GALNT13: variants seen among roughly 807,000 people sequenced by gnomAD.
The protein encoded by GALNT13 is UDP-GalNAc:polypeptide N-acetylgalactosaminyltransferase 13.
GALNT13 carries 28 observed loss-of-function variants against 64.2 expected under a neutral mutation model. That is an observed-to-expected ratio of 0.44 (90% CI 0.32 to 0.60). GALNT13 has a LOEUF of 0.60. GALNT13 is among the 20% of genes least tolerant of loss of function. The pLI is 0.05. For synonymous variants in GALNT13, 214 were observed against 224.6 expected (o/e 0.95, Z 0.42); for missense variants, 577 against 669.8 (o/e 0.86, Z 1.53).
intron 4 of GALNT13, among the ~76,000 whole-genome samples, chr2:154,241,029 C>T (rs1689456677): frequency 6.6e-6 from 1 of 152,114 alleles, no homozygotes; most frequent in Non-Finnish European, 1.5e-5. Context: ...CTGGTGCATC[C>T]CTCTCCATGT....
At chr2:153,643,945 T>C in the GALNT13 span, among the ~76,000 whole-genome samples, 2 of 151,944 alleles carry the variant, frequency 1.3e-5, no homozygotes, top group African/African-American at 4.8e-5. Flanking sequence ...ATAACAAGAA[T>C]CTGCAACAAT....
chr2:154,157,326 T>C (rs138068410), intron 4 of GALNT13, among the ~76,000 whole-genome samples: 1 of 152,266 alleles, frequency 6.6e-6, no homozygotes, highest in African/African-American at 2.4e-5. Context: ...CCTCTAGGTG[T>C]CCTTTCCTCT....
the GALNT13 span, among the ~76,000 whole-genome samples, chr2:153,264,880 C>A: frequency 6.6e-6 from 1 of 152,132 alleles, no homozygotes; most frequent in Non-Finnish European, 1.5e-5. Flanking sequence ...AGCAGCAAAC[C>A]ACCATGGCAC....
At chr2:153,791,712 G>T in the GALNT13 span, among the ~76,000 whole-genome samples, 1 of 152,130 alleles carries the variant, frequency 6.6e-6, no homozygotes, top group Admixed American at 6.5e-5. Context: ...AGAAAATATG[G>T]TATGTCTACA....
chr2:153,454,304 CT>C, the GALNT13 span, among the ~76,000 whole-genome samples: 5 of 152,114 alleles, frequency 3.3e-5, no homozygotes, highest in Admixed American at 3.3e-4. Flanking sequence ...ATAGTCTTAA[CT>C]TTAGCTTCTT....
At chr2:153,821,816 C>A in the GALNT13 span, among the ~76,000 whole-genome samples, 1 of 151,916 alleles carries the variant, frequency 6.6e-6, no homozygotes, top group African/African-American at 2.4e-5. Flanking sequence ...AAAGGGTAAA[C>A]AAGACTGATA....
chr2:153,391,507 A>G, the GALNT13 span, among the ~76,000 whole-genome samples: 1 of 152,260 alleles, frequency 6.6e-6, no homozygotes, highest in South Asian at 2.1e-4. Flanking sequence ...TTCTACTAGC[A>G]ATATTATGAA....
chr2:153,473,274 T>C, the GALNT13 span, among the ~76,000 whole-genome samples: 1 of 152,124 alleles, frequency 6.6e-6, no homozygotes, highest in Admixed American at 6.5e-5. Flanking sequence ...TTCTCAAATA[T>C]AATAATAATC....
intron 11 of GALNT13, among the ~76,000 whole-genome samples, chr2:154,435,146 G>A (rs1700896527): frequency 6.6e-6 from 1 of 152,176 alleles, no homozygotes; most frequent in African/African-American, 2.4e-5. Context: ...ATGTAACACA[G>A]TTCTGCTTTA....
intron 3 of GALNT13, among the ~76,000 whole-genome samples, chr2:154,077,518 T>C (rs953166404): frequency 6.6e-6 from 1 of 151,478 alleles, no homozygotes; most frequent in Non-Finnish European, 1.5e-5. Flanking sequence ...GAAAATAAAA[T>C]AAGATGTCAT....
At chr2:153,478,360 ACGGTGAGTGAGAG>A in the GALNT13 span, 2 of 1,614,168 alleles carry the variant, frequency 1.2e-6, no homozygotes, top group Non-Finnish European at 1.7e-6. Context: ...GCCGAAGACC[ACGGTGAGTGAGAG>A]CACGCACATG....
chr2:154,160,803 C>T (rs756229807), intron 4 of GALNT13, among the ~76,000 whole-genome samples: 14 of 152,284 alleles, frequency 9.2e-5, no homozygotes, highest in African/African-American at 3.4e-4. Flanking sequence ...ATGTACCTAA[C>T]GCCTTTAAAT....
At chr2:153,641,213 G>T in the GALNT13 span, among the ~76,000 whole-genome samples, 60 of 152,118 alleles carry the variant, frequency 3.9e-4, no homozygotes, top group South Asian at 0.011. Flanking sequence ...GAAATGAAAG[G>T]TCTACTCTAA....
At chr2:153,154,541 C>T in the GALNT13 span, among the ~76,000 whole-genome samples, 1 of 152,030 alleles carries the variant, frequency 6.6e-6, no homozygotes, top group Non-Finnish European at 1.5e-5. Context: ...TGATTTGGCT[C>T]TTGGCTTCAC....
intron 1 of GALNT13, among the ~76,000 whole-genome samples, chr2:153,873,857 T>A (rs1414271642): frequency 1.3e-5 from 2 of 150,756 alleles, no homozygotes; most frequent in Non-Finnish European, 3.0e-5. Flanking sequence ...TGTCTCTCTC[T>A]CTCGCTGTCT....
At chr2:154,063,513 C>G (rs1700301152) in intron 3 of GALNT13, among the ~76,000 whole-genome samples, 1 of 151,958 alleles carries the variant, frequency 6.6e-6, no homozygotes, top group African/African-American at 2.4e-5. Flanking sequence ...TCTTGGTCTC[C>G]TAGTTAAATT....
chr2:154,248,096 AT>A (rs1421880918), intron 7 of GALNT13, among the ~76,000 whole-genome samples: 1 of 152,136 alleles, frequency 6.6e-6, no homozygotes, highest in Non-Finnish European at 1.5e-5. Flanking sequence ...TGAAGCTGAA[AT>A]TTTAGTTTTC....
the GALNT13 span, among the ~76,000 whole-genome samples, chr2:153,503,014 T>G: frequency 6.6e-6 from 1 of 151,936 alleles, no homozygotes; most frequent in Admixed American, 6.5e-5. Flanking sequence ...GTGAAGATTT[T>G]CCTCCACTCT....
chr2:153,633,813 C>T, the GALNT13 span, among the ~76,000 whole-genome samples: 1 of 152,160 alleles, frequency 6.6e-6, no homozygotes, highest in Non-Finnish European at 1.5e-5. Context: ...AAAGCCTCTG[C>T]ATTTTTCATA....
Sources: gnomAD v4.1 joint callset for allele counts (sites outside exome capture counted in the v4.1 genomes callset) on GRCh38, gnomAD v4.1.1 for gene constraint, MANE v1.5 for transcripts, NCBI Gene and HGNC (gene_info 2026-07-23, HGNC 2026-07-21) for gene names.